The following NOL7 variants were observed in gnomAD, a reference collection of about 807,000 sequenced individuals.
The protein encoded by NOL7 is nucleolar protein 7.
NOL7 carries 36 observed loss-of-function variants against 38.4 expected under a neutral mutation model. The observed-to-expected ratio is 0.94, with a 90% CI of 0.72 to 1.24. The LOEUF (loss-of-function observed/expected upper bound fraction) is 1.24, where lower values mean the gene tolerates loss of function less well. NOL7 is among the 50% of genes most tolerant of loss of function. NOL7 has a pLI of 0.00. For missense variants in NOL7, 350 were observed against 315.1 expected (o/e 1.11, Z -0.84); for synonymous variants, 142 against 126.5 (o/e 1.12, Z -0.82).
intron 4 of NOL7, 122 bp downstream of exon 4, chr6:13,617,923 C>T (rs1764332304): frequency 9.5e-7 from 1 of 1,058,196 alleles, no homozygotes; most frequent in Non-Finnish European, 1.5e-6. Flanking sequence ...TTAGCTGGGG[C>T]CTATTCCCTG....
chr6:13,625,073 C>T (rs1764563526), downstream of NOL7, among the ~76,000 whole-genome samples: 1 of 152,224 alleles, frequency 6.6e-6, no homozygotes. Context: ...TATTCAAGCT[C>T]TTCACTCCCT....
At chr6:13,629,025 A>G (rs1037507081) in intron 8 of NOL7, among the ~76,000 whole-genome samples, 4 of 152,230 alleles carry the variant, frequency 2.6e-5, no homozygotes, top group Non-Finnish European at 4.4e-5. Context: ...AGATTTCACT[A>G]AAGCATCTGA....
chr6:13,627,556 G>C (rs749603803), intron 8 of NOL7, among the ~76,000 whole-genome samples: 1 of 147,806 alleles, frequency 6.8e-6, no homozygotes, highest in Non-Finnish European at 1.5e-5. Flanking sequence ...CTTGAACCCA[G>C]TAGGCGGAGG....
At position 13,615,611 on chromosome 6, in the gene NOL7, G is replaced by A. The variant is rs1232557604; in HGVS notation, c.253G>A (p.Glu85Lys). Reference sequence around the variant, plus strand: ...GAGAGAAGAGGAGCGGCGAGTGCGGGAGACCGTGCGCAGGTTCGGAGCCCG... The same window carrying A: ...GAGAGAAGAGGAGCGGCGAGTGCGGAAGACCGTGCGCAGGTTCGGAGCCCG... ...EAREEERRVR[E>K]TVRRDKTLLK... The change falls in exon 1 of 8, where the codon GAG becomes AAG. Residue 85 changes from glutamate to lysine, a missense_variant. Physicochemically the swap from Glu to Lys is moderately conservative, Grantham distance 56. Transcript: ENST00000451315. 1 of 1,595,458 alleles carries A rather than the reference G, an allele frequency of 6.3e-7. No homozygotes were observed. Among genetic ancestry groups the A allele is most frequent in the Non-Finnish European group, 8.5e-7 (1 of 1,169,908 alleles).
downstream of NOL7, among the ~76,000 whole-genome samples, chr6:13,624,388 G>A (rs544267366): frequency 1.3e-5 from 2 of 152,018 alleles, no homozygotes; most frequent in Non-Finnish European, 2.9e-5. Flanking sequence ...TCCTAAACTA[G>A]TTTGAAATAT....
intron 8 of NOL7, chr6:13,632,301 A>T: frequency 6.7e-7 from 1 of 1,498,434 alleles, no homozygotes; most frequent in Non-Finnish European, 9.1e-7. Context: ...TACACTGCTC[A>T]GTGTTTCACA....
intron 3 of NOL7, among the ~76,000 whole-genome samples, chr6:13,616,746 A>G (rs1426412734): frequency 6.6e-6 from 1 of 152,156 alleles, no homozygotes; most frequent in East Asian, 1.9e-4. Context: ...TCCTGATCCC[A>G]TTGTGTTCAT....
intron 5 of NOL7, among the ~76,000 whole-genome samples, chr6:13,618,624 T>C (rs1024356754): frequency 6.6e-6 from 1 of 152,236 alleles, no homozygotes; most frequent in Non-Finnish European, 1.5e-5. Context: ...GCATGTTTGC[T>C]TACACTTGTA....
rs1211059334 is a variant in NOL7, at chr6:13,616,444, A to G, written c.328-19A>G. The G allele has an allele frequency of 1.3e-6, 2 of 1,581,732 alleles. No individual in the cohort carries two copies. Reference sequence around the variant, plus strand: ...TGTACATGACTTTCTATTAATTTTAAACGTTTTCATTCCAAAAGAAAAGAA... The same window carrying G: ...TGTACATGACTTTCTATTAATTTTAGACGTTTTCATTCCAAAAGAAAAGAA... On this transcript the variant is annotated intron_variant, in intron 2 of 7. Coordinates refer to ENST00000451315, the MANE Select transcript of NOL7 (RefSeq NM_016167.5).
Position 13,620,738 on chromosome 6 carries a change from A to C in NOL7, c.701-16A>C. 6.5e-7 allele frequency: 1 copy of C among 1,542,708 alleles called. No individual in the cohort carries two copies. Among genetic ancestry groups the C allele is most frequent in the Non-Finnish European group, 8.8e-7 (1 of 1,132,398 alleles). ...GTTTTTCTAATATACTTACTGCAGA[A>C]AACTTTATATTCTAGGAATCCAAAA... On this transcript the variant is annotated splice_polypyrimidine_tract_variant and intron_variant, in intron 7 of 7. Coordinates refer to ENST00000451315, the MANE Select transcript of NOL7 (RefSeq NM_016167.5).
At chr6:13,618,348 C>T (rs1422902288) in intron 5 of NOL7, 4 of 179,228 alleles carry the variant, frequency 2.2e-5, no homozygotes, top group Non-Finnish European at 4.8e-5. Context: ...CCCGGGTTCA[C>T]GCCATTCTCC....
At chr6:13,615,675 G>T (rs765235140) in intron 1 of NOL7, 37 bp from the exon 2 acceptor site, 4 of 1,614,122 alleles carry the variant, frequency 2.5e-6, no homozygotes, top group Non-Finnish European at 3.4e-6. Flanking sequence ...CGTCCCGCTT[G>T]TCCTTCCCTT....
At chr6:13,622,408 C>T (rs748662267), downstream of NOL7, 5 of 1,600,416 alleles carry the variant, frequency 3.1e-6, no homozygotes, top group Non-Finnish European at 4.3e-6. Context: ...GGATCCAATT[C>T]CTGATCGAGC....
downstream of NOL7, chr6:13,622,442 C>T (rs1340505730): frequency 6.2e-7 from 1 of 1,602,588 alleles, no homozygotes; most frequent in South Asian, 1.1e-5. Flanking sequence ...CATTGTGTGG[C>T]CTGTCCCATT....
downstream of NOL7, chr6:13,622,253 C>T: frequency 1.7e-6 from 2 of 1,172,532 alleles, no homozygotes; most frequent in East Asian, 2.9e-5. Context: ...CGACAAAAAC[C>T]TGTCCCCAGT....
At chr6:13,617,025 T>G (rs1347563559) in intron 3 of NOL7, among the ~76,000 whole-genome samples, 1 of 150,750 alleles carries the variant, frequency 6.6e-6, no homozygotes, top group Non-Finnish European at 1.5e-5. Flanking sequence ...CCTTCTAAAT[T>G]TTTTTTTTTC....
At chr6:13,619,280 T>C (rs1295366581) in intron 5 of NOL7, among the ~76,000 whole-genome samples, 1 of 152,246 alleles carries the variant, frequency 6.6e-6, no homozygotes, top group African/African-American at 2.4e-5. Flanking sequence ...TATGGCCTTA[T>C]CTTCTATTCT....
Position 13,631,203 on chromosome 6 carries a change from C to A in NOL7, n.574-1190C>A, listed in dbSNP as rs1158902101. On this transcript the variant is annotated intron_variant and non_coding_transcript_variant, in intron 8 of 8. Coordinates refer to the NOL7 transcript ENST00000474485. ...CTTTTTTGATAGCTCAGGGTAACCA[C>A]TAGAAACAGCAGTTTTTATACTATG... Among the ~76,000 whole-genome samples, 23 of 152,090 alleles carry A rather than the reference C, an allele frequency of 1.5e-4. 1 individual carries two copies. The highest frequency in any genetic ancestry group is 1.5e-3 in the Admixed American group (23 of 15,262).
downstream of NOL7, among the ~76,000 whole-genome samples, chr6:13,624,081 G>A (rs1159275984): frequency 6.6e-6 from 1 of 152,120 alleles, no homozygotes; most frequent in East Asian, 1.9e-4. Flanking sequence ...GGAGCTAAAT[G>A]AATTTTGTAG....
Sources: allele counts gnomAD v4.1 joint callset (sites outside exome capture counted in the v4.1 genomes callset), GRCh38; gene constraint gnomAD v4.1.1; transcripts MANE v1.5; gene names NCBI Gene and HGNC (gene_info 2026-07-23, HGNC 2026-07-21).